SLC27A2: variants seen among roughly 807,000 people sequenced by gnomAD.
The protein encoded by SLC27A2 is long-chain fatty acid transport protein 2.
Under a neutral mutation model 60.0 loss-of-function variants are expected in SLC27A2, and 54 were observed. That is an observed-to-expected ratio of 0.90 (90% confidence interval 0.72 to 1.13). The LOEUF (loss-of-function observed/expected upper bound fraction) is 1.13, where lower values mean the gene tolerates loss of function less well. SLC27A2 is among the 50% of genes most tolerant of loss of function. The probability of loss-of-function intolerance (pLI) is 0.00; values close to 1 mark genes in which losing one functional copy is unlikely to be tolerated. For synonymous variants in SLC27A2, 297 were observed against 297.6 expected (o/e 1.00, Z 0.02); for missense variants, 739 against 777.6 (o/e 0.95, Z 0.59).
At position 50,226,035 on chromosome 15, in the gene SLC27A2, A is replaced by T; in HGVS notation, c.1215A>T (p.Glu405Asp). ...TTAAATATGATGTGGAGAAAGATGA[A>T]CCTGTCCGTGATGAAAATGGATATT... ...DLIKYDVEKD[E>D]PVRDENGYCV... is the part of the protein sequence containing the mutation. Residue 405 changes from glutamate to aspartate, a missense_variant, in exon 6 of 10, where the codon GAA becomes GAT. Glu to Asp is a conservative substitution (Grantham distance 45). Transcript: ENST00000267842. 1.2e-6 allele frequency: 2 copies of T among 1,612,144 alleles called. No individual in the cohort carries two copies. The highest frequency in any genetic ancestry group is 1.7e-6 in the Non-Finnish European group (2 of 1,178,196).
chr15:50,204,285 C>G (rs1235460957), intron 3 of SLC27A2, among the ~76,000 whole-genome samples: 1 of 151,682 alleles, frequency 6.6e-6, no homozygotes, highest in Non-Finnish European at 1.5e-5. Context: ...GTCAACGTGG[C>G]AAAACCCCAT....
intron 2 of SLC27A2, among the ~76,000 whole-genome samples, chr15:50,198,066 G>T (rs1321240841): frequency 6.6e-6 from 1 of 152,016 alleles, no homozygotes; most frequent in Non-Finnish European, 1.5e-5. Context: ...CTGTATAATT[G>T]ATTATAAATG....
At chr15:50,228,741 T>C (rs187309131) in intron 7 of SLC27A2, among the ~76,000 whole-genome samples, 16 of 152,338 alleles carry the variant, frequency 1.1e-4, no homozygotes, top group Non-Finnish European at 2.4e-4. Context: ...AAATTCCATA[T>C]TTTGTTATCT....
At chr15:50,235,838 C>T (rs1425549928) in intron 9 of SLC27A2, 82 bp from the exon 10 acceptor site, 1 of 1,023,568 alleles carries the variant, frequency 9.8e-7, no homozygotes, top group South Asian at 1.8e-5. Flanking sequence ...GCTAGATCCC[C>T]ATGCCCCACC....
intron 8 of SLC27A2, among the ~76,000 whole-genome samples, chr15:50,232,897 G>A (rs989503871): frequency 1.3e-5 from 2 of 152,116 alleles, no homozygotes; most frequent in Non-Finnish European, 1.5e-5. Flanking sequence ...GAGAGATTTC[G>A]AAAGCTGGGG....
intron 4 of SLC27A2, among the ~76,000 whole-genome samples, chr15:50,213,705 A>G (rs2045174302): frequency 6.6e-6 from 1 of 152,230 alleles, no homozygotes; most frequent in African/African-American, 2.4e-5. Context: ...CTGCTCCTGA[A>G]TGAGCATTGG....
chr15:50,199,426 C>A (rs541636444), intron 2 of SLC27A2, among the ~76,000 whole-genome samples: 1 of 146,560 alleles, frequency 6.8e-6, no homozygotes, highest in Non-Finnish European at 1.5e-5. Context: ...TGCAGTGAGC[C>A]GAGATTGCGC....
intron 5 of SLC27A2, among the ~76,000 whole-genome samples, chr15:50,224,441 A>G (rs2045265515): frequency 6.6e-6 from 1 of 152,200 alleles, no homozygotes; most frequent in South Asian, 2.1e-4. Flanking sequence ...CTCCATCTCA[A>G]AAAAAAGAAA....
At chr15:50,199,544 CCT>C (rs1332025151) in intron 2 of SLC27A2, among the ~76,000 whole-genome samples, 1 of 151,558 alleles carries the variant, frequency 6.6e-6, no homozygotes, top group Non-Finnish European at 1.5e-5. Context: ...GAATGAGCAT[CCT>C]CTGATTTAAT....
chr15:50,200,766 G>T (rs575119106), intron 2 of SLC27A2, among the ~76,000 whole-genome samples: 4 of 151,922 alleles, frequency 2.6e-5, no homozygotes, highest in African/African-American at 9.7e-5. Context: ...TACAAAAAAC[G>T]TATATAAATT....
chr15:50,212,818 C>T (rs192660269), intron 4 of SLC27A2, among the ~76,000 whole-genome samples: 1 of 152,252 alleles, frequency 6.6e-6, no homozygotes, highest in African/African-American at 2.4e-5. Flanking sequence ...ATCCTGCAAA[C>T]ACATCATAAC....
chr15:50,223,965 T>C (rs2045261870), intron 5 of SLC27A2, among the ~76,000 whole-genome samples: 3 of 152,206 alleles, frequency 2.0e-5, no homozygotes, highest in African/African-American at 7.2e-5. Flanking sequence ...CAGTAGTTCA[T>C]GTGCGTAAGA....
rs2045332210 is a variant in SLC27A2, at chr15:50,233,923, T to C, written c.1611T>C (p.Phe537=). ...ASIKMKENHE[F]DGKKLFQHIA... Reference sequence around the variant, plus strand: ...TCAAAATGAAAGAAAACCATGAATTTGATGGAAAGAAACTCTTTCAGCACA... The same window carrying C: ...TCAAAATGAAAGAAAACCATGAATTCGATGGAAAGAAACTCTTTCAGCACA... The change falls in exon 9 of 10, where the codon TTT becomes TTC. Residue 537 remains phenylalanine (F), a synonymous_variant. Coordinates refer to ENST00000267842, the MANE Select transcript of SLC27A2 (RefSeq NM_003645.4). The C allele has an allele frequency of 1.2e-6, 2 of 1,613,972 alleles. No individual in the cohort carries two copies. Among genetic ancestry groups the C allele is most frequent in the South Asian group, 2.2e-5 (2 of 91,072 alleles).
chr15:50,209,252 C>T (rs928080375), intron 4 of SLC27A2, among the ~76,000 whole-genome samples: 1 of 152,144 alleles, frequency 6.6e-6, no homozygotes, highest in Non-Finnish European at 1.5e-5. Flanking sequence ...CCTAAAATTT[C>T]TGTCTCTGCA....
Position 50,236,161 on chromosome 15 carries a change from T to C in SLC27A2, c.*65T>C. The C allele has an allele frequency of 7.4e-7, 1 of 1,351,948 alleles. No individual in the cohort carries two copies. Among genetic ancestry groups the C allele is most frequent in the Non-Finnish European group, 1.0e-6 (1 of 1,000,954 alleles). 83.7% of individuals were successfully genotyped at this position (1,351,948 alleles called of 1,614,324 possible). A position where few individuals can be genotyped will look rare whatever the true frequency, so the allele number is the denominator to read the frequency against. Reference sequence around the variant, plus strand: ...CTGAATGGACAGCCACTTGATATAATCCAACTTTAATTTGATTGAAGATTG... The same window carrying C: ...CTGAATGGACAGCCACTTGATATAACCCAACTTTAATTTGATTGAAGATTG... On this transcript the variant is annotated 3_prime_UTR_variant, in exon 10 of 10. Coordinates refer to ENST00000267842, the MANE Select transcript of SLC27A2 (RefSeq NM_003645.4).
chr15:50,182,857 C>A lies in SLC27A2; in HGVS notation c.430C>A (p.Leu144Met), dbSNP rs868356388. 2.5e-6 allele frequency: 4 copies of A among 1,613,008 alleles called. No individual in the cohort carries two copies. In the Admixed American group the frequency reaches 6.7e-5, roughly 27 times the overall value. Residue 144 changes from leucine to methionine, a missense_variant, in exon 1 of 10, where the codon CTG (leucine) becomes ATG (methionine). Coordinates refer to ENST00000267842, the MANE Select transcript of SLC27A2 (RefSeq NM_003645.4). ...LNYNIRAKSL[L>M]HCFQCCGAKV... ...TTACAACATCCGCGCGAAGTCCCTG[C>A]TGCACTGCTTCCAGTGCTGCGGGGC... is the stretch of plus-strand genomic sequence containing the variant.
intron 2 of SLC27A2, 75 bp downstream of exon 2, chr15:50,197,784 T>G: frequency 5.5e-6 from 6 of 1,081,176 alleles, no homozygotes; most frequent in South Asian, 1.3e-5. Flanking sequence ...TTCAAATCTC[T>G]TTCTTTGGCA....
chr15:50,182,696 A>C lies in SLC27A2; in HGVS notation c.269A>C (p.Gln90Pro). The change falls in exon 1 of 10, where the codon CAA (glutamine) becomes CCA (proline). Residue 90 changes from glutamine to proline, a missense_variant. By Grantham distance (76) the Gln-to-Pro change is moderately conservative (BLOSUM62 -1). Transcript: ENST00000267842. ...TYAQVDRRSN[Q>P]VARALHDHLG... The stretch of plus-strand genomic sequence containing the variant: ...GCGCAGGTGGACCGGCGCAGCAATC[A>C]AGTGGCCCGGGCGCTGCACGACCAC... The C allele has an allele frequency of 6.2e-7, 1 of 1,613,772 alleles. No individual in the cohort carries two copies. Among genetic ancestry groups the C allele is most frequent in the Non-Finnish European group, 8.5e-7 (1 of 1,179,872 alleles).
intron 2 of SLC27A2, among the ~76,000 whole-genome samples, chr15:50,199,107 A>G (rs183075990): frequency 5.8e-4 from 88 of 152,276 alleles, no homozygotes; most frequent in African/African-American, 2.0e-3. Context: ...TGCTGCATGC[A>G]GACACTCCCT....
Sources: gnomAD v4.1 joint callset for allele counts (sites outside exome capture counted in the v4.1 genomes callset) on GRCh38, gnomAD v4.1.1 for gene constraint, MANE v1.5 for transcripts, NCBI Gene and HGNC (gene_info 2026-07-23, HGNC 2026-07-21) for gene names.